Variants in NSMCE2 observed in about 807,000 individuals in gnomAD.
The protein encoded by NSMCE2 is E3 SUMO-protein ligase NSE2.
Under a neutral mutation model 23.8 loss-of-function variants are expected in NSMCE2, and 24 were observed. The observed-to-expected ratio is 1.01, with a 90% CI of 0.73 to 1.42. The LOEUF (loss-of-function observed/expected upper bound fraction) is 1.42. Among genes scored for constraint, NSMCE2 ranks in the 40% most tolerant of loss-of-function variants. NSMCE2 has a pLI of 0.00. For missense variants in NSMCE2, 284 were observed against 296.5 expected, an observed-to-expected ratio of 0.96 and a Z score of 0.31; for synonymous variants, 92 against 94.1, an observed-to-expected ratio of 0.98 and a Z score of 0.13.
chr8:125,191,168 AG>A (rs1290201967), intron 5 of NSMCE2, among the ~76,000 whole-genome samples: 3 of 152,158 alleles, frequency 2.0e-5, no homozygotes, highest in Non-Finnish European at 4.4e-5. Flanking sequence ...CACCATGCCC[AG>A]CCATTATGTG....
chr8:125,151,054 G>A (rs2130678303), intron 3 of NSMCE2, 117 bp from the exon 4 acceptor site: 1 of 477,234 alleles, frequency 2.1e-6, no homozygotes, highest in Non-Finnish European at 3.8e-6. Context: ...TTAAAAAGAT[G>A]TAATAGCTCT....
chr8:125,144,692 A>T (rs1215449882), intron 3 of NSMCE2, among the ~76,000 whole-genome samples: 8 of 152,166 alleles, frequency 5.3e-5, no homozygotes, highest in Admixed American at 4.6e-4. Context: ...TTTTGCCCCT[A>T]GCCTTTCACA....
At chr8:125,127,452 A>G (rs542093055) in intron 3 of NSMCE2, among the ~76,000 whole-genome samples, 43 of 152,308 alleles carry the variant, frequency 2.8e-4, no homozygotes, top group Non-Finnish European at 5.6e-4. Context: ...AAAAATTAGT[A>G]TGGGATTTCA....
At chr8:125,365,905 G>T (rs183474191) in intron 7 of NSMCE2, among the ~76,000 whole-genome samples, 1 of 152,158 alleles carries the variant, frequency 6.6e-6, no homozygotes, top group African/African-American at 2.4e-5. Flanking sequence ...CCCCATTGGC[G>T]CACTGACCTC....
At chr8:125,243,114 A>C (rs1288483114) in intron 5 of NSMCE2, among the ~76,000 whole-genome samples, 4 of 152,230 alleles carry the variant, frequency 2.6e-5, no homozygotes, top group African/African-American at 7.2e-5. Context: ...AGTGAAAAAG[A>C]CATTGGCTCA....
At chr8:125,219,625 A>T (rs1163746117) in intron 5 of NSMCE2, among the ~76,000 whole-genome samples, 2 of 152,248 alleles carry the variant, frequency 1.3e-5, no homozygotes, top group Admixed American at 1.3e-4. Context: ...TCAAAGTCAA[A>T]TGAATTTGAG....
At chr8:125,364,996 G>A (rs981697015) in intron 7 of NSMCE2, among the ~76,000 whole-genome samples, 1 of 152,146 alleles carries the variant, frequency 6.6e-6, no homozygotes, top group African/African-American at 2.4e-5. Flanking sequence ...AGAAGAAATA[G>A]GTGGTTTCAT....
chr8:125,333,497 T>G (rs1829955371), intron 5 of NSMCE2, among the ~76,000 whole-genome samples: 1 of 132,122 alleles, frequency 7.6e-6, no homozygotes, highest in Non-Finnish European at 1.6e-5. Flanking sequence ...GTAGTTTTCC[T>G]GGTGGTTCTT....
chr8:125,272,826 C>CACGTGT (rs1554629671), intron 5 of NSMCE2, among the ~76,000 whole-genome samples: 1 of 97,484 alleles, frequency 1.0e-5, no homozygotes, highest in African/African-American at 4.3e-5. Flanking sequence ...TATATATACA[C>CACGTGT]ATATATATAC....
chr8:125,340,887 T>G (rs1017478716), intron 5 of NSMCE2, among the ~76,000 whole-genome samples: 4 of 152,250 alleles, frequency 2.6e-5, no homozygotes, highest in Admixed American at 2.0e-4. Flanking sequence ...ATGACCCTGA[T>G]AATTAGTGTG....
intron 3 of NSMCE2, among the ~76,000 whole-genome samples, chr8:125,126,153 C>T (rs1563665721): frequency 6.6e-6 from 1 of 152,014 alleles, no homozygotes; most frequent in Non-Finnish European, 1.5e-5. Flanking sequence ...GAGGCCAAGG[C>T]GGGCAGATCA....
At chr8:125,313,246 AAAG>A (rs1829047502) in intron 5 of NSMCE2, among the ~76,000 whole-genome samples, 2 of 145,206 alleles carry the variant, frequency 1.4e-5, no homozygotes, top group South Asian at 2.1e-4. Context: ...GAAAGAAAGA[AAAG>A]AAAAGAAGGA....
rs149310577 is a variant in NSMCE2, at chr8:125,324,016, C to CA, written c.419-33196dup. On this transcript the variant is annotated intron_variant, in intron 5 of 7. Transcript: ENST00000287437. ...GAAAAGATACTGAAATGAACAACAACAAAAAAACTAACATGAACAGACACT... is the reference window on the plus strand; with the variant it reads ...GAAAAGATACTGAAATGAACAACAACAAAAAAAACTAACATGAACAGACACT... Among the ~76,000 whole-genome samples, 317 of 152,108 alleles carry CA rather than the reference C, an allele frequency of 2.1e-3. 7 individuals are homozygous for CA. The East Asian group carries it at 0.032, about 15-fold the overall frequency.
chr8:125,299,071 A>G (rs1828449229), intron 5 of NSMCE2, among the ~76,000 whole-genome samples: 1 of 152,200 alleles, frequency 6.6e-6, no homozygotes, highest in Admixed American at 6.5e-5. Flanking sequence ...TTTCTTCTGT[A>G]TTTGATAACT....
chr8:125,250,660 GTT>G (rs1482669373), intron 5 of NSMCE2, among the ~76,000 whole-genome samples: 1 of 151,922 alleles, frequency 6.6e-6, no homozygotes, highest in African/African-American at 2.4e-5. Flanking sequence ...GTTTTGTTTT[GTT>G]TTTTAAGAGA....
At chr8:125,280,171 C>T (rs1157733776) in intron 5 of NSMCE2, among the ~76,000 whole-genome samples, 1 of 152,192 alleles carries the variant, frequency 6.6e-6, no homozygotes, top group Non-Finnish European at 1.5e-5. Flanking sequence ...CCTTTATTAA[C>T]ATAAGCAAGA....
chr8:125,258,769 T>G (rs995874468), intron 5 of NSMCE2, among the ~76,000 whole-genome samples: 6 of 152,094 alleles, frequency 3.9e-5, no homozygotes, highest in Non-Finnish European at 4.4e-5. Context: ...GTGATTTGCT[T>G]CTTATTTAGT....
At chr8:125,154,127 T>TC (rs1311524914) in intron 4 of NSMCE2, among the ~76,000 whole-genome samples, 1 of 152,194 alleles carries the variant, frequency 6.6e-6, no homozygotes, top group Non-Finnish European at 1.5e-5. Context: ...TTGCGATACT[T>TC]CCGTTACTAT....
chr8:125,126,715 C>G (rs1037636820), intron 3 of NSMCE2, among the ~76,000 whole-genome samples: 1 of 152,126 alleles, frequency 6.6e-6, no homozygotes, highest in Non-Finnish European at 1.5e-5. Flanking sequence ...AAACACAGCT[C>G]TGGCAATTAT....
Sources: gnomAD v4.1 joint callset for allele counts (sites outside exome capture counted in the v4.1 genomes callset) on GRCh38, gnomAD v4.1.1 for gene constraint, MANE v1.5 for transcripts, NCBI Gene and HGNC (gene_info 2026-07-23, HGNC 2026-07-21) for gene names.